The following FGF14 variants were observed in gnomAD, a reference collection of about 807,000 sequenced individuals.
FGF14 encodes fibroblast growth factor 14.
Under a neutral mutation model 25.5 loss-of-function variants are expected in FGF14, and 5 were observed. The observed-to-expected ratio is 0.20, with a 90% CI of 0.10 to 0.41. The LOEUF is 0.41. Among genes scored for constraint, FGF14 ranks in the 10% least tolerant of loss-of-function variants. FGF14 has a pLI of 1.00. For missense variants in FGF14, 222 were observed against 320.1 expected (o/e 0.69, Z 2.34); for synonymous variants, 138 against 118.3 (o/e 1.17, Z -1.08).
At chr13:102,039,791 C>T (rs981417038) in intron 1 of FGF14, among the ~76,000 whole-genome samples, 95 of 152,086 alleles carry the variant, frequency 6.2e-4, no homozygotes, top group East Asian at 1.9e-4. Flanking sequence ...GTATCTTATC[C>T]GCTGAAAAGA....
At chr13:102,252,007 G>T (rs1365497755) in intron 1 of FGF14, among the ~76,000 whole-genome samples, 1 of 152,162 alleles carries the variant, frequency 6.6e-6, no homozygotes, top group African/African-American at 2.4e-5. Context: ...GCATAATGCT[G>T]TACCAGTCCA....
At chr13:101,858,002 T>C (rs376488469) in intron 3 of FGF14, among the ~76,000 whole-genome samples, 48 of 152,022 alleles carry the variant, frequency 3.2e-4, no homozygotes, top group African/African-American at 1.1e-3. Context: ...GTTATTCCTC[T>C]GGAAAAAAAG....
At chr13:102,191,012 AG>A (rs1285435892) in intron 1 of FGF14, among the ~76,000 whole-genome samples, 1 of 152,124 alleles carries the variant, frequency 6.6e-6, no homozygotes, top group Non-Finnish European at 1.5e-5. Context: ...ACCAAAGGAG[AG>A]GGAAAAACAG....
chr13:102,078,150 A>C (rs1430787031), intron 1 of FGF14, among the ~76,000 whole-genome samples: 1 of 152,210 alleles, frequency 6.6e-6, no homozygotes, highest in East Asian at 1.9e-4. Flanking sequence ...GGGGGCTCAG[A>C]AGATTTTGGT....
chr13:102,295,078 G>A (rs1315116255), intron 1 of FGF14, among the ~76,000 whole-genome samples: 1 of 152,114 alleles, frequency 6.6e-6, no homozygotes, highest in African/African-American at 2.4e-5. Flanking sequence ...ATTATTTTAA[G>A]TTGGCCACCC....
At position 101,711,741 on chromosome 13, in the gene FGF14, G is replaced by C. The variant is rs2034476237; in HGVS notation, c.*11090C>G. 6.6e-6 allele frequency: 1 copy of C among 152,164 alleles called. No individual in the cohort carries two copies. The highest frequency in any genetic ancestry group is 1.5e-5 in the Non-Finnish European group (1 of 68,032). The allele number at this position is 152,164 out of a possible 1,614,324, so 9.4% of individuals were successfully genotyped here. ...CCTAAGATGCCCTGAAGACACATGA[G>C]AAAATGTGGCTGATTCCCCAGGGAT... On this transcript the variant is annotated 3_prime_UTR_variant, in exon 5 of 5. Transcript: ENST00000376143.
intron 1 of FGF14, among the ~76,000 whole-genome samples, chr13:102,047,194 G>A (rs1267079016): frequency 6.6e-6 from 1 of 152,016 alleles, no homozygotes; most frequent in Non-Finnish European, 1.5e-5. Context: ...CATATGGACA[G>A]CAGGAAATGT....
At chr13:101,869,041 T>G (rs1234364966) in intron 2 of FGF14, among the ~76,000 whole-genome samples, 3 of 152,216 alleles carry the variant, frequency 2.0e-5, no homozygotes, top group Non-Finnish European at 2.9e-5. Flanking sequence ...ATGTGAGCAG[T>G]CTTGCTGACA....
At chr13:101,875,584 A>G in intron 1 of FGF14, among the ~76,000 whole-genome samples, 1 of 152,280 alleles carries the variant, frequency 6.6e-6, no homozygotes, top group South Asian at 2.1e-4. Context: ...CAGTTTAATT[A>G]TTAGTTTAAA....
chr13:101,868,308 T>C, intron 3 of FGF14: 1 of 205,760 alleles, frequency 4.9e-6, no homozygotes, highest in Non-Finnish European at 9.9e-6. Flanking sequence ...TATAAGTAGT[T>C]ATTTTTTCAG....
chr13:102,364,153 T>A (rs1202691706), intron 1 of FGF14, among the ~76,000 whole-genome samples: 1 of 152,246 alleles, frequency 6.6e-6, no homozygotes, highest in Non-Finnish European at 1.5e-5. Context: ...CTAAACTTTT[T>A]AAGTCAATTT....
intron 1 of FGF14, among the ~76,000 whole-genome samples, chr13:101,910,834 A>G (rs2032842348): frequency 8.2e-6 from 1 of 122,090 alleles, no homozygotes; most frequent in African/African-American, 3.0e-5. Flanking sequence ...AGAGATTTGG[A>G]TTCGTGTGTG....
chr13:102,156,660 G>T (rs1299752958), intron 1 of FGF14, among the ~76,000 whole-genome samples: 1 of 152,174 alleles, frequency 6.6e-6, no homozygotes. Context: ...GTTCTGGCCA[G>T]GGCAATTAGG....
intron 1 of FGF14, among the ~76,000 whole-genome samples, chr13:101,980,356 C>T (rs955987712): frequency 1.1e-4 from 16 of 146,988 alleles, no homozygotes; most frequent in African/African-American, 4.0e-4. Flanking sequence ...AAAAAAAAAA[C>T]GGGGCTAGAA....
intron 1 of FGF14, among the ~76,000 whole-genome samples, chr13:102,009,028 A>G (rs2039946352): frequency 6.6e-6 from 1 of 152,160 alleles, no homozygotes; most frequent in South Asian, 2.1e-4. Context: ...TATAAAAAAA[A>G]TTTCTCCTTT....
At chr13:102,041,501 T>C (rs796335013) in intron 1 of FGF14, among the ~76,000 whole-genome samples, 14 of 148,980 alleles carry the variant, frequency 9.4e-5, no homozygotes, top group African/African-American at 3.5e-4. Context: ...ATGACCTTCT[T>C]TTGATTTAAT....
At chr13:102,222,500 G>C (rs1026416429) in intron 1 of FGF14, among the ~76,000 whole-genome samples, 1 of 152,178 alleles carries the variant, frequency 6.6e-6, no homozygotes, top group African/African-American at 2.4e-5. Flanking sequence ...AATACCTCCA[G>C]TAGTCATAAG....
chr13:102,199,732 C>T (rs975976150), intron 1 of FGF14, among the ~76,000 whole-genome samples: 2 of 152,224 alleles, frequency 1.3e-5, no homozygotes, highest in African/African-American at 4.8e-5. Context: ...AATATATTCA[C>T]TCATGTAATC....
intron 3 of FGF14, among the ~76,000 whole-genome samples, chr13:101,774,579 C>G (rs1326171946): frequency 6.6e-6 from 1 of 152,112 alleles, no homozygotes; most frequent in East Asian, 1.9e-4. Context: ...ACCACCCCAT[C>G]CCCTGCATAG....
Sources: gnomAD v4.1 joint callset for allele counts (sites outside exome capture counted in the v4.1 genomes callset) on GRCh38, gnomAD v4.1.1 for gene constraint, MANE v1.5 for transcripts, NCBI Gene and HGNC (gene_info 2026-07-23, HGNC 2026-07-21) for gene names.